The following AFAP1 variants were observed in gnomAD, a reference collection of about 807,000 sequenced individuals.
AFAP1 encodes actin filament associated protein 1, also known as actin filament-associated protein 1.
Under a neutral mutation model 93.9 loss-of-function variants are expected in AFAP1, and 75 were observed. That is an observed-to-expected ratio of 0.80 (90% confidence interval 0.66 to 0.97). The LOEUF (loss-of-function observed/expected upper bound fraction) is 0.97, where lower values mean the gene tolerates loss of function less well. Ranked by LOEUF, AFAP1 falls within the 50% of genes least tolerant of loss-of-function variation. The pLI, the probability that AFAP1 is intolerant of heterozygous loss-of-function variation, is 0.00. For missense variants in AFAP1, 1,201 were observed against 1,050.8 expected (o/e 1.14, Z -1.98); for synonymous variants, 517 against 430.7 (o/e 1.20, Z -2.48).
chr4:7,789,786 G>A (rs1717694298), intron 11 of AFAP1, among the ~76,000 whole-genome samples: 1 of 152,106 alleles, frequency 6.6e-6, no homozygotes, highest in Admixed American at 6.6e-5. Flanking sequence ...CTCCGCACCA[G>A]CCCCTGCTTT....
At chr4:7,769,142 C>T in intron 16 of AFAP1, 134 bp from the exon 17 acceptor site, 1 of 1,218,214 alleles carries the variant, frequency 8.2e-7, no homozygotes, top group Non-Finnish European at 1.1e-6. Flanking sequence ...GCAGCAAGGA[C>T]TGCCACGTGG....
At chr4:7,778,992 AG>A (rs756352664) in intron 13 of AFAP1, 116 bp from the exon 14 acceptor site, 12 of 772,638 alleles carry the variant, frequency 1.6e-5, no homozygotes, top group Non-Finnish European at 2.5e-5. Flanking sequence ...AAACTGGCAT[AG>A]ATGGAGGAAA....
At chr4:7,821,426 G>A (rs1017526457) in intron 6 of AFAP1, among the ~76,000 whole-genome samples, 1 of 152,180 alleles carries the variant, frequency 6.6e-6, no homozygotes. Context: ...TGAGCCTGCA[G>A]GACAGGATTC....
intron 15 of AFAP1, 59 bp downstream of exon 15, chr4:7,774,680 G>C (rs1715905649): frequency 6.4e-7 from 1 of 1,572,152 alleles, no homozygotes; most frequent in East Asian, 2.3e-5. Flanking sequence ...AAAGCAGAAT[G>C]AAATCTCCAG....
chr4:7,801,128 C>G (rs1207597883), intron 9 of AFAP1, among the ~76,000 whole-genome samples: 1 of 152,136 alleles, frequency 6.6e-6, no homozygotes. Flanking sequence ...CAAAAACTAT[C>G]TAAAAATGAA....
rs140071062 is a variant in AFAP1, at chr4:7,838,948, C to T, written c.547-245G>A. 1.4e-3 allele frequency among the ~76,000 whole-genome samples: 212 copies of T among 152,252 alleles called. 1 individual carries two copies. Among genetic ancestry groups the T allele is most frequent in the African/African-American group, 4.8e-3 (200 of 41,542 alleles). ...TCAGAAAAACTTACTGAGCATCTAT[C>T]ACAGGATTCAACAAACACCAAAAGT... On this transcript the variant is annotated intron_variant, in intron 5 of 17. Coordinates refer to ENST00000420658, the MANE Select transcript of AFAP1 (RefSeq NM_001134647.2).
At chr4:7,845,087 C>G (rs143284586) in intron 4 of AFAP1, among the ~76,000 whole-genome samples, 1 of 152,256 alleles carries the variant, frequency 6.6e-6, no homozygotes, top group East Asian at 1.9e-4. Context: ...CAGGGAGGAA[C>G]AGAAAGATTT....
intron 6 of AFAP1, among the ~76,000 whole-genome samples, chr4:7,837,394 G>A (rs1368642088): frequency 1.3e-5 from 2 of 152,132 alleles, no homozygotes; most frequent in Admixed American, 6.5e-5. Flanking sequence ...AGGCCCCAGA[G>A]ACCTGCCTTG....
chr4:7,778,936 CTTTT>C (rs557591959), intron 13 of AFAP1, 60 bp from the exon 14 acceptor site: 2 of 1,125,880 alleles, frequency 1.8e-6, no homozygotes, highest in African/African-American at 1.6e-5. Context: ...AAATCTTGGT[CTTTT>C]TTTTTTCTGG....
At chr4:7,858,059 G>C (rs191571865) in intron 3 of AFAP1, among the ~76,000 whole-genome samples, 2 of 152,314 alleles carry the variant, frequency 1.3e-5, no homozygotes, top group East Asian at 3.9e-4. Context: ...ATTTTCAAGA[G>C]AAGAATGCTC....
chr4:7,778,927 A>G, intron 13 of AFAP1, 51 bp from the exon 14 acceptor site: 1 of 1,369,304 alleles, frequency 7.3e-7, no homozygotes, highest in Non-Finnish European at 1.0e-6. Flanking sequence ...AAGTCAAACA[A>G]ATCTTGGTCT....
intron 4 of AFAP1, among the ~76,000 whole-genome samples, chr4:7,849,590 C>G (rs1049942886): frequency 2.6e-5 from 4 of 152,128 alleles, no homozygotes; most frequent in African/African-American, 9.7e-5. Context: ...TGAAGTATGG[C>G]TACTTTCTGG....
intron 6 of AFAP1, among the ~76,000 whole-genome samples, chr4:7,831,307 T>C (rs1051866962): frequency 4.0e-5 from 6 of 150,774 alleles, no homozygotes; most frequent in African/African-American, 7.3e-5. Context: ...ACATGAAAAA[T>C]AGAGTAACTG....
rs1714251663 is a variant in AFAP1 at position 7,764,381 on chromosome 4, T to A, written c.2419-590A>T. Reference sequence around the variant, plus strand: ...CGTAGCGAGACCGCATCATGTCTATTTCAAAAAATATAAAAAAAAAAGGAA... The same window carrying A: ...CGTAGCGAGACCGCATCATGTCTATATCAAAAAATATAAAAAAAAAAGGAA... On this transcript the variant is annotated intron_variant, in intron 17 of 17. Transcript: ENST00000420658. Among the ~76,000 whole-genome samples the A allele has an allele frequency of 3.4e-5, 5 of 145,598 alleles. No homozygotes were observed. The South Asian group carries it at 1.2e-3, about 34-fold the overall frequency.
rs748602184 is a variant in AFAP1 at position 7,800,466 on chromosome 4, G to A, written c.1242C>T (p.Asn414=). The change falls in exon 10 of 18, where the codon AAC becomes AAT. Residue 414 remains asparagine, a synonymous_variant. Coordinates refer to ENST00000420658, the MANE Select transcript of AFAP1 (RefSeq NM_001134647.2). ...KHPLTFRLLR[N]GQEVAVLEAS... ...CCTCCAATACTGCAACCTCCTGGCCGTTGCGCAGCAGCCGGAACGTCAGAG... is the reference window on the plus strand; with the variant it reads ...CCTCCAATACTGCAACCTCCTGGCCATTGCGCAGCAGCCGGAACGTCAGAG... 94 of 1,614,072 alleles carry A rather than the reference G, an allele frequency of 5.8e-5. 1 individual carries two copies. Among genetic ancestry groups the A allele is most frequent in the South Asian group, 9.9e-5 (9 of 91,086 alleles).
intron 9 of AFAP1, among the ~76,000 whole-genome samples, chr4:7,802,556 T>C (rs1388427177): frequency 6.6e-6 from 1 of 152,148 alleles, no homozygotes; most frequent in Non-Finnish European, 1.5e-5. Context: ...GAGCTGTTAA[T>C]ATGAATACAA....
chr4:7,906,005 A>T (rs1462475389), intron 1 of AFAP1, among the ~76,000 whole-genome samples: 1 of 152,212 alleles, frequency 6.6e-6, no homozygotes. Flanking sequence ...TGAAATGCCC[A>T]TGCATGTGGG....
chr4:7,846,826 C>T (rs987837652), intron 4 of AFAP1, among the ~76,000 whole-genome samples: 8 of 152,180 alleles, frequency 5.3e-5, no homozygotes. Context: ...AGACATTAGT[C>T]TTATTCAGAG....
In AFAP1 at chr4:7,817,177, A is replaced by G. The variant is rs545050555; in HGVS notation, c.823-1078T>C. ...GATTTTCAACATGAATCGAGATCTT[A>G]AAAAAGAAAAAGAGGTCTATCCTTT... is the stretch of plus-strand genomic sequence containing the variant. On this transcript the variant is annotated intron_variant, in intron 7 of 17. Transcript: ENST00000420658. Among the ~76,000 whole-genome samples the G allele has an allele frequency of 6.5e-4, 99 of 152,380 alleles. No individual in the cohort carries two copies. In the Middle Eastern group the frequency reaches 0.02, roughly 31 times the overall value.
Sources: gnomAD v4.1 joint callset for allele counts (sites outside exome capture counted in the v4.1 genomes callset) on GRCh38, gnomAD v4.1.1 for gene constraint, MANE v1.5 for transcripts, NCBI Gene and HGNC (gene_info 2026-07-23, HGNC 2026-07-21) for gene names.